Variants in ALDH4A1 observed in about 807,000 individuals in gnomAD.
ALDH4A1 encodes the protein delta-1-pyrroline-5-carboxylate dehydrogenase, mitochondrial.
In ALDH4A1, 46 loss-of-function variants were observed where a neutral mutation model predicts 70.5. The ratio of observed to expected loss-of-function variants is 0.65; its 90% CI spans 0.51 to 0.83. ALDH4A1 has a LOEUF of 0.83. ALDH4A1 is among the 40% of genes least tolerant of loss of function. The pLI is 0.00. For synonymous variants in ALDH4A1, 323 were observed against 324.3 expected (o/e 1.00, Z 0.04); for missense variants, 749 against 766.5 (o/e 0.98, Z 0.27).
At chr1:18,879,229 C>T in intron 9 of ALDH4A1, 71 bp downstream of exon 9, 1 of 1,454,738 alleles carries the variant, frequency 6.9e-7, no homozygotes. Context: ...CTCTACCTCC[C>T]TCCTCTTTCA....
At chr1:18,882,737 C>T (rs1569752261) in intron 7 of ALDH4A1, 1 of 569,318 alleles carries the variant, frequency 1.8e-6, no homozygotes, top group Non-Finnish European at 3.5e-6. Flanking sequence ...ACGTGGTGAG[C>T]ACTGAAGGTC....
intron 1 of ALDH4A1, among the ~76,000 whole-genome samples, chr1:18,901,268 T>C (rs9426794): frequency 0.037 from 5,586 of 152,190 alleles, 116 homozygotes; most frequent in Middle Eastern, 0.061. Context: ...TATCCCCTCT[T>C]CACCCACAGA....
At position 18,876,435 on chromosome 1, in the gene ALDH4A1, G is replaced by T; in HGVS notation, c.1218C>A (p.His406Gln). The T allele has an allele frequency of 6.2e-7, 1 of 1,604,674 alleles. No homozygotes were observed. Among genetic ancestry groups the T allele is most frequent in the South Asian group, 1.1e-5 (1 of 90,330 alleles). The change falls in exon 12 of 15, where the codon CAC (histidine) becomes CAA (glutamine). Residue 406 changes from histidine (H) to glutamine (Q), a missense_variant. Physicochemically the swap from His to Gln is conservative, Grantham distance 24 (BLOSUM62 0). Transcript: ENST00000375341. ...SFARIKKWLE[H>Q]ARSSPSLTIL... ...TGGTGAGGCTGGGTGAGGAGCGTGC[G>T]TGCTCCAGCCACTTCTTGATACGGG...
At position 18,877,227 on chromosome 1, in the gene ALDH4A1, GAGA is replaced by G. The variant is rs775523746; in HGVS notation, c.1163_1165del (p.Phe388del). On this transcript the variant is annotated inframe_deletion, in exon 11 of 15. Transcript: ENST00000375341. The stretch of plus-strand genomic sequence containing the variant: ...CCGTACCTTGGCATCAATCACTGCA[GAGA>G]AGAAGGTCCCAAAATCCTCTGCAGG... The G allele has an allele frequency of 3.7e-6, 6 of 1,608,522 alleles. No individual in the cohort carries two copies. The highest frequency in any genetic ancestry group is 1.7e-5 in the Admixed American group (1 of 59,630).
At chr1:18,889,272 G>C in intron 3 of ALDH4A1, 90 bp downstream of exon 3, 1 of 1,236,290 alleles carries the variant, frequency 8.1e-7, no homozygotes, top group Admixed American at 2.0e-5. Flanking sequence ...CTTGAAGTCA[G>C]AGCCCACACA....
chr1:18,884,814 G>A (rs1935126638), intron 5 of ALDH4A1, among the ~76,000 whole-genome samples: 1 of 152,198 alleles, frequency 6.6e-6, no homozygotes. Context: ...CTCACGGAGG[G>A]GGTGACATCT....
chr1:18,900,241 T>A (rs1465696908), intron 1 of ALDH4A1, among the ~76,000 whole-genome samples: 1 of 152,250 alleles, frequency 6.6e-6, no homozygotes, highest in Admixed American at 6.5e-5. Context: ...GCATCTCCTA[T>A]ACCCGTTCCT....
intron 5 of ALDH4A1, 153 bp downstream of exon 5, chr1:18,885,320 C>T (rs979446332): frequency 5.6e-6 from 4 of 717,116 alleles, no homozygotes; most frequent in African/African-American, 1.8e-5. Flanking sequence ...TCATCCATCC[C>T]AGCTCCTAGG....
chr1:18,881,966 T>C (rs1934993797), intron 7 of ALDH4A1, 79 bp from the exon 8 acceptor site: 7 of 1,327,790 alleles, frequency 5.3e-6, no homozygotes, highest in East Asian at 2.7e-5. Context: ...CCCTACAGCA[T>C]GGTTGTCCCT....
At chr1:18,900,123 C>T (rs747518417) in intron 1 of ALDH4A1, among the ~76,000 whole-genome samples, 1 of 152,100 alleles carries the variant, frequency 6.6e-6, no homozygotes, top group African/African-American at 2.4e-5. Flanking sequence ...CTTATCTGTA[C>T]TTTTCACAGT....
intron 1 of ALDH4A1, among the ~76,000 whole-genome samples, chr1:18,894,315 C>T (rs909981067): frequency 2.0e-5 from 3 of 152,090 alleles, no homozygotes; most frequent in African/African-American, 7.2e-5. Context: ...CTGAGGTGGG[C>T]GGATTGCTTG....
chr1:18,890,559 C>CA (rs1935396345), intron 1 of ALDH4A1: 2 of 507,438 alleles, frequency 3.9e-6, no homozygotes, highest in Non-Finnish European at 2.6e-6. Context: ...AAAACAACAA[C>CA]AAAAACCCAC....
chr1:18,876,166 A>T, intron 12 of ALDH4A1, 149 bp downstream of exon 12: 3 of 1,085,244 alleles, frequency 2.8e-6, no homozygotes, highest in South Asian at 1.5e-5. Context: ...ACCTGGCTCT[A>T]CTCTCTCCCG....
chr1:18,872,619 G>A lies in ALDH4A1; in HGVS notation c.*226C>T, dbSNP rs1282002516. 4.3e-6 allele frequency: 2 copies of A among 468,144 alleles called. No homozygotes were observed. The highest frequency in any genetic ancestry group is 3.5e-5 in the East Asian group (1 of 28,574). 29.0% of individuals were successfully genotyped at this position (468,144 alleles called of 1,614,324 possible). A position where few individuals can be genotyped will look rare whatever the true frequency, so the allele number is the denominator to read the frequency against. On this transcript the variant is annotated 3_prime_UTR_variant, in exon 15 of 15. Coordinates refer to ENST00000375341, the MANE Select transcript of ALDH4A1 (RefSeq NM_003748.4). Reference sequence around the variant, plus strand: ...GGCACCAGGGTCATACCTCCCACATGGCCGATGGGATAAGGGGTAGTGGCC... The same window carrying A: ...GGCACCAGGGTCATACCTCCCACATAGCCGATGGGATAAGGGGTAGTGGCC...
At chr1:18,897,530 G>A (rs542823252) in intron 1 of ALDH4A1, among the ~76,000 whole-genome samples, 5 of 152,208 alleles carry the variant, frequency 3.3e-5, no homozygotes, top group Admixed American at 1.3e-4. Context: ...GAGGTAGAGC[G>A]AGACTCCGTC....
intron 1 of ALDH4A1, among the ~76,000 whole-genome samples, chr1:18,900,076 TGTG>T (rs1462766794): frequency 6.6e-5 from 10 of 152,234 alleles, no homozygotes; most frequent in Non-Finnish European, 1.5e-5. Context: ...GGTACCTCTG[TGTG>T]GTACAATTCC....
At chr1:18,891,430 G>A (rs1935426761) in intron 1 of ALDH4A1, among the ~76,000 whole-genome samples, 1 of 152,154 alleles carries the variant, frequency 6.6e-6, no homozygotes. Flanking sequence ...TCTCTCTCTG[G>A]TGTCAATGGC....
Position 18,874,539 on chromosome 1 carries a change from G to A in ALDH4A1, c.1503C>T (p.Ala501=), listed in dbSNP as rs376695697. Residue 501 remains alanine (A), a synonymous_variant, in exon 14 of 15, where the codon GCC becomes GCT. Transcript: ENST00000375341. ...QEATKVLRNA[A]GNFYINDKST... is the part of the protein sequence containing the mutation. ...ACTTGTCGTTGATGTAGAAGTTGCC[G>A]GCAGCATTCCTCAGCACCTTTGTGG... The A allele has an allele frequency of 6.8e-5, 109 of 1,614,060 alleles. No individual in the cohort carries two copies. The highest frequency in any genetic ancestry group is 3.8e-4 in the South Asian group (35 of 91,090).
chr1:18,902,527 G>C lies in ALDH4A1; in HGVS notation c.-4C>G. On this transcript the variant is annotated 5_prime_UTR_variant, in exon 1 of 15. Transcript: ENST00000375341. ...GCGCGGGCGCCGGCAGCAGCATCTC[G>C]GGTTAGAAGCGGGGCTGTTCGCTGG... 6.7e-7 allele frequency: 1 copy of C among 1,485,118 alleles called. No homozygotes were observed. Among genetic ancestry groups the C allele is most frequent in the Non-Finnish European group, 8.9e-7 (1 of 1,118,528 alleles). The allele number at this position is 1,485,118 out of a possible 1,614,324, so 92.0% of individuals were successfully genotyped here.
Sources: gnomAD v4.1 joint callset for allele counts (sites outside exome capture counted in the v4.1 genomes callset) on GRCh38, gnomAD v4.1.1 for gene constraint, MANE v1.5 for transcripts, NCBI Gene and HGNC (gene_info 2026-07-23, HGNC 2026-07-21) for gene names.